SEMA5A: variants seen among roughly 807,000 people sequenced by gnomAD.
SEMA5A encodes the protein semaphorin-5A.
In SEMA5A, 55 loss-of-function variants were observed where a neutral mutation model predicts 135.5. The observed-to-expected ratio is 0.41, with a 90% CI of 0.33 to 0.51. The LOEUF is 0.51. Ranked by LOEUF, SEMA5A falls within the 20% of genes least tolerant of loss-of-function variation. The pLI is 0.37. For missense variants in SEMA5A, 1,290 were observed against 1,419.9 expected, an observed-to-expected ratio of 0.91 and a Z score of 1.47; for synonymous variants, 580 against 546.5, an observed-to-expected ratio of 1.06 and a Z score of -0.85.
intron 4 of SEMA5A, among the ~76,000 whole-genome samples, chr5:9,320,642 T>C (rs1372620630): frequency 6.6e-6 from 1 of 152,194 alleles, no homozygotes; most frequent in Non-Finnish European, 1.5e-5. Flanking sequence ...CCATTGAGCC[T>C]GGGAGGTCAA....
In SEMA5A at chr5:9,201,978, G is replaced by C; in HGVS notation, c.909C>G (p.Ile303Met). The C allele has an allele frequency of 6.2e-7, 1 of 1,614,136 alleles. No homozygotes were observed. Among genetic ancestry groups the C allele is most frequent in the African/African-American group, 1.3e-5 (1 of 75,046 alleles). The change falls in exon 9 of 23, where the codon ATC becomes ATG. Residue 303 changes from isoleucine to methionine, a missense_variant. Physicochemically the swap from Ile to Met is conservative, Grantham distance 10. Transcript: ENST00000382496. ...ACACATTGGTGGTAAAGATGCCATA[G>C]ATCAAATCCAGCTCAGGCAGGAAGA... ...STFFLPELDL[I>M]YGIFTTNVNS...
At chr5:9,119,455 T>TAAG (rs1740695847) in intron 14 of SEMA5A, among the ~76,000 whole-genome samples, 1 of 152,162 alleles carries the variant, frequency 6.6e-6, no homozygotes. Flanking sequence ...TAATAAAGAA[T>TAAG]AAGGTTATTT....
At chr5:9,095,787 A>G (rs1459672273) in intron 16 of SEMA5A, among the ~76,000 whole-genome samples, 1 of 152,242 alleles carries the variant, frequency 6.6e-6, no homozygotes, top group Non-Finnish European at 1.5e-5. Context: ...TGTCACTTCT[A>G]CCAAAGGAAG....
chr5:9,078,265 C>A (rs1738178602), intron 16 of SEMA5A, among the ~76,000 whole-genome samples: 2 of 152,146 alleles, frequency 1.3e-5, no homozygotes, highest in Admixed American at 6.5e-5. Flanking sequence ...AAATCGGTGA[C>A]CTTGAGCAGA....
intron 3 of SEMA5A, among the ~76,000 whole-genome samples, chr5:9,339,446 T>C (rs113303260): frequency 4.3e-4 from 65 of 152,330 alleles, no homozygotes; most frequent in African/African-American, 1.5e-3. Context: ...CCTCCATTCC[T>C]GGGCAAAAGA....
At chr5:9,250,771 CA>C (rs1275070155) in intron 5 of SEMA5A, among the ~76,000 whole-genome samples, 1 of 152,094 alleles carries the variant, frequency 6.6e-6, no homozygotes, top group Non-Finnish European at 1.5e-5. Flanking sequence ...AAAAATTACA[CA>C]AACATAAATT....
chr5:9,444,130 C>T lies in SEMA5A; in HGVS notation c.-174-6278G>A, dbSNP rs570967222. 3.9e-5 allele frequency among the ~76,000 whole-genome samples: 6 copies of T among 151,984 alleles called. No individual in the cohort carries two copies. In the South Asian group the frequency reaches 1.3e-3, roughly 32 times the overall value. On this transcript the variant is annotated intron_variant, in intron 1 of 22. Coordinates refer to ENST00000382496, the MANE Select transcript of SEMA5A (RefSeq NM_003966.3). ...TGATGTAATTTTTAAAGATAGATCT[C>T]TGGATTTGTTCAATATCACCACTTA...
intron 17 of SEMA5A, among the ~76,000 whole-genome samples, chr5:9,063,977 G>T (rs909249511): frequency 6.6e-6 from 1 of 152,302 alleles, no homozygotes; most frequent in East Asian, 1.9e-4. Flanking sequence ...TGTAGGCAAT[G>T]TGACACAAGC....
At chr5:9,191,070 G>A (rs541131178) in intron 10 of SEMA5A, among the ~76,000 whole-genome samples, 1 of 152,162 alleles carries the variant, frequency 6.6e-6, no homozygotes, top group South Asian at 2.1e-4. Context: ...AATGTTTAGA[G>A]TCCAGGAATA....
intron 3 of SEMA5A, among the ~76,000 whole-genome samples, chr5:9,372,457 G>A (rs1755178846): frequency 6.6e-6 from 1 of 151,940 alleles, no homozygotes; most frequent in South Asian, 2.1e-4. Flanking sequence ...TGGAGCCATG[G>A]GACATACATA....
chr5:9,291,486 G>A (rs1456863533), intron 5 of SEMA5A, among the ~76,000 whole-genome samples: 1 of 152,128 alleles, frequency 6.6e-6, no homozygotes, highest in Non-Finnish European at 1.5e-5. Flanking sequence ...TGCCATGTAA[G>A]AAGTTCAGCC....
chr5:9,255,206 T>C (rs1180866763), intron 5 of SEMA5A, among the ~76,000 whole-genome samples: 2 of 152,214 alleles, frequency 1.3e-5, no homozygotes, highest in Non-Finnish European at 2.9e-5. Flanking sequence ...GATACAGTGA[T>C]GTAAGTGTGG....
At position 9,178,365 on chromosome 5, in the gene SEMA5A, C is replaced by A. The variant is rs893165578; in HGVS notation, c.1273+11902G>T. 7.0e-4 allele frequency among the ~76,000 whole-genome samples: 90 copies of A among 128,670 alleles called. 1 individual carries two copies. Among genetic ancestry groups the A allele is most frequent in the African/African-American group, 2.5e-3 (85 of 33,454 alleles). The allele number at this position is 128,670 out of a possible 152,430, so 84.4% of individuals were successfully genotyped here. On this transcript the variant is annotated intron_variant, in intron 11 of 22. Coordinates refer to ENST00000382496, the MANE Select transcript of SEMA5A (RefSeq NM_003966.3). The stretch of plus-strand genomic sequence containing the variant: ...TTTTTTTTGTTGAGATGGAGCCTAG[C>A]TTTGTAACCCAGGCTGGAGTGCAAT...
chr5:9,408,061 AC>A (rs1482442244), intron 2 of SEMA5A, among the ~76,000 whole-genome samples: 5 of 151,664 alleles, frequency 3.3e-5, no homozygotes, highest in African/African-American at 1.2e-4. Flanking sequence ...CATCACCACT[AC>A]CACCACACCA....
chr5:9,324,950 C>A (rs1169115396), intron 4 of SEMA5A, among the ~76,000 whole-genome samples: 1 of 152,180 alleles, frequency 6.6e-6, no homozygotes, highest in Non-Finnish European at 1.5e-5. Flanking sequence ...CTTTGAGCAA[C>A]CCAAAGCATT....
At chr5:9,226,728 T>C in intron 7 of SEMA5A, 141 bp downstream of exon 7, 1 of 515,380 alleles carries the variant, frequency 1.9e-6, no homozygotes, top group Non-Finnish European at 3.5e-6. Flanking sequence ...AAATCAAATA[T>C]TTATTCAATT....
At chr5:9,487,933 C>T (rs1427565553) in intron 1 of SEMA5A, among the ~76,000 whole-genome samples, 1 of 152,084 alleles carries the variant, frequency 6.6e-6, no homozygotes, top group Non-Finnish European at 1.5e-5. Flanking sequence ...TATAATTGGT[C>T]ATCTTGTGTT....
intron 5 of SEMA5A, among the ~76,000 whole-genome samples, chr5:9,288,714 A>G (rs1262115622): frequency 1.3e-5 from 2 of 152,226 alleles, no homozygotes; most frequent in Non-Finnish European, 2.9e-5. Flanking sequence ...TTTCTCCAAC[A>G]TTAAAATAAA....
intron 2 of SEMA5A, among the ~76,000 whole-genome samples, chr5:9,399,218 G>A (rs1395144114): frequency 2.0e-5 from 3 of 152,178 alleles, no homozygotes; most frequent in African/African-American, 4.8e-5. Flanking sequence ...CTAATACATG[G>A]AGAACAGATG....
Sources: gnomAD v4.1 joint callset for allele counts (sites outside exome capture counted in the v4.1 genomes callset) on GRCh38, gnomAD v4.1.1 for gene constraint, MANE v1.5 for transcripts, NCBI Gene and HGNC (gene_info 2026-07-23, HGNC 2026-07-21) for gene names.